Variants in PPARD observed in about 807,000 individuals in gnomAD.
The protein encoded by PPARD is peroxisome proliferator-activated receptor delta.
Under a neutral mutation model 39.5 loss-of-function variants are expected in PPARD, and 6 were observed. The ratio of observed to expected loss-of-function variants is 0.15; its 90% CI spans 0.08 to 0.30. PPARD has a LOEUF of 0.30. Among genes scored for constraint, PPARD ranks in the 10% least tolerant of loss-of-function variants. PPARD has a pLI of 1.00. For synonymous variants in PPARD, 210 were observed against 231.3 expected, an observed-to-expected ratio of 0.91 and a Z score of 0.83; for missense variants, 397 against 596.8, an observed-to-expected ratio of 0.67 and a Z score of 3.49.
At chr6:35,359,654 T>C (rs1761822735) in intron 2 of PPARD, among the ~76,000 whole-genome samples, 1 of 152,168 alleles carries the variant, frequency 6.6e-6, no homozygotes, top group Non-Finnish European at 1.5e-5. Flanking sequence ...TATCCCCACC[T>C]GTGTCTAATC....
chr6:35,405,868 G>T (rs1372719216), intron 2 of PPARD, among the ~76,000 whole-genome samples: 2 of 151,882 alleles, frequency 1.3e-5, no homozygotes, highest in African/African-American at 4.8e-5. Context: ...GACCTCAAGT[G>T]ATCCACCCAC....
intron 2 of PPARD, among the ~76,000 whole-genome samples, chr6:35,408,056 G>A (rs967956121): frequency 2.0e-4 from 30 of 152,118 alleles, no homozygotes; most frequent in African/African-American, 7.2e-4. Flanking sequence ...TTGCAGGGTG[G>A]GTCCAGCAGC....
At chr6:35,380,254 A>G (rs1289520338) in intron 2 of PPARD, among the ~76,000 whole-genome samples, 5 of 152,122 alleles carry the variant, frequency 3.3e-5, no homozygotes, top group African/African-American at 9.7e-5. Context: ...ACTCCTTCCA[A>G]TTCTGTGCCC....
chr6:35,347,408 A>G (rs1760929497), intron 2 of PPARD, among the ~76,000 whole-genome samples: 1 of 152,094 alleles, frequency 6.6e-6, no homozygotes, highest in South Asian at 2.1e-4. Flanking sequence ...TAAACTCCAC[A>G]GGGCAGGGAG....
chr6:35,384,660 G>T (rs1382770769), intron 2 of PPARD, among the ~76,000 whole-genome samples: 1 of 73,422 alleles, frequency 1.4e-5, no homozygotes, highest in Non-Finnish European at 2.5e-5. Context: ...GGAGGGAGGT[G>T]GGGGGGTCAG....
intron 4 of PPARD, 47 bp from the exon 5 acceptor site, chr6:35,421,773 C>T (rs1766187074): frequency 6.4e-7 from 1 of 1,560,308 alleles, no homozygotes; most frequent in African/African-American, 1.4e-5. Context: ...GCACAGCCTC[C>T]CTCCCACCTC....
chr6:35,365,348 GC>G (rs1762156043), intron 2 of PPARD, among the ~76,000 whole-genome samples: 1 of 149,724 alleles, frequency 6.7e-6, no homozygotes, highest in South Asian at 2.1e-4. Context: ...CACCGTGTTA[GC>G]CAGGAAGGTC....
At chr6:35,357,294 C>T (rs1213266089) in intron 2 of PPARD, among the ~76,000 whole-genome samples, 1 of 152,336 alleles carries the variant, frequency 6.6e-6, no homozygotes, top group African/African-American at 2.4e-5. Context: ...CCATCCTGAT[C>T]TAGAGCTTGT....
At chr6:35,393,950 T>C (rs1305434360) in intron 2 of PPARD, among the ~76,000 whole-genome samples, 17 of 152,220 alleles carry the variant, frequency 1.1e-4, no homozygotes, top group Non-Finnish European at 4.4e-5. Context: ...CTGGTGTCAG[T>C]ATGTGCCTGC....
chr6:35,407,515 A>C (rs901145786), intron 2 of PPARD, among the ~76,000 whole-genome samples: 1 of 151,768 alleles, frequency 6.6e-6, no homozygotes, highest in African/African-American at 2.4e-5. Context: ...GAGCATAAAG[A>C]ATCAGTGTTT....
Position 35,425,319 on chromosome 6 carries a change from G to A in PPARD, c.1079-513G>A. 1 of 1,009,602 alleles carries A rather than the reference G, an allele frequency of 9.9e-7. No individual in the cohort carries two copies. Among genetic ancestry groups the A allele is most frequent in the Non-Finnish European group, 1.2e-6 (1 of 844,460 alleles). The allele number at this position is 1,009,602 out of a possible 1,614,324, so 62.5% of individuals were successfully genotyped here. ...ACAGGCAGTATGCTGTCATGTTAAT[G>A]TGGGGTGGAAAAATTGTCTGCATTT... is the stretch of plus-strand genomic sequence containing the variant. On this transcript the variant is annotated intron_variant, in intron 7 of 7. Transcript: ENST00000360694. This position sits in a 1 kb window ranked among gnomAD's most constrained non-coding sequence, Gnocchi z 4.5.
At chr6:35,421,242 C>T (rs1247105079) in intron 4 of PPARD, among the ~76,000 whole-genome samples, 2 of 151,438 alleles carry the variant, frequency 1.3e-5, no homozygotes, top group East Asian at 2.0e-4. Context: ...GGATTACAGG[C>T]GTGAGCCACT....
At position 35,415,778 on chromosome 6, in the gene PPARD, C is replaced by CTGTGTGTGTGTG. The variant is rs369825175; in HGVS notation, c.131-4335_131-4324dup. ...TCAGGGTTCTCCAGAGAAGGAGAAC[C>CTGTGTGTGTGTG]TGTGTGTGTGTGTGTGTGTGTGTGT... On this transcript the variant is annotated intron_variant, in intron 3 of 7. Coordinates refer to ENST00000360694, the MANE Select transcript of PPARD (RefSeq NM_006238.5). 6.5e-4 allele frequency among the ~76,000 whole-genome samples: 93 copies of CTGTGTGTGTGTG among 143,856 alleles called. No homozygotes were observed. The East Asian group carries it at 0.012, about 18-fold the overall frequency. 94.4% of individuals were successfully genotyped at this position (143,856 alleles called of 152,430 possible).
Position 35,421,855 on chromosome 6 carries a change from G to A in PPARD, c.321G>A (p.Glu107=). 6.2e-7 allele frequency: 1 copy of A among 1,614,012 alleles called. No individual in the cohort carries two copies. Among genetic ancestry groups the A allele is most frequent in the Non-Finnish European group, 8.5e-7 (1 of 1,179,934 alleles). The part of the protein sequence containing the change: ...FFRRTIRMKL[E]YEKCERSCKI... ...GTCGTACGATCCGCATGAAGCTGGA[G>A]TACGAGAAGTGTGAGCGCAGCTGCA... Residue 107 remains glutamate (E), a synonymous_variant, in exon 5 of 8, where the codon GAG becomes GAA. Transcript: ENST00000360694.
At chr6:35,371,403 T>A (rs1466366536) in intron 2 of PPARD, among the ~76,000 whole-genome samples, 1 of 152,192 alleles carries the variant, frequency 6.6e-6, no homozygotes, top group Non-Finnish European at 1.5e-5. Flanking sequence ...TGTGACCATC[T>A]GCTCTTATAG....
chr6:35,363,914 ATATAT>A lies in PPARD; in HGVS notation c.-102+16772_-102+16776del, dbSNP rs72397997. 0.048 allele frequency among the ~76,000 whole-genome samples: 7,193 copies of A among 149,982 alleles called. 345 individuals are homozygous for A. The highest frequency in any genetic ancestry group is 0.12 in the African/African-American group (5,040 of 41,056). ...GGTTTTTGTATATTAACTGTGTTTT[ATATAT>A]TATATTAAATTAATATATTTATATA... On this transcript the variant is annotated intron_variant, in intron 2 of 7. Coordinates refer to ENST00000360694, the MANE Select transcript of PPARD (RefSeq NM_006238.5). The surrounding 1 kb of genome is among the most constrained non-coding windows in gnomAD (Gnocchi z 4.5).
rs182789324 is a variant in PPARD, at chr6:35,418,201, C to T, written c.131-1926C>T. Among the ~76,000 whole-genome samples, 121 of 152,376 alleles carry T rather than the reference C, an allele frequency of 7.9e-4. 1 individual carries two copies. The highest frequency in any genetic ancestry group is 7.1e-3 in the East Asian group (37 of 5,194). On this transcript the variant is annotated intron_variant, in intron 3 of 7. Transcript: ENST00000360694. ...ATGCCCCAACACGAGCATATGCTCA[C>T]GGACTGCACAGATTCAAGGAGGAAG... is the stretch of plus-strand genomic sequence containing the variant.
At chr6:35,378,500 A>G (rs73411784) in intron 2 of PPARD, among the ~76,000 whole-genome samples, 7,247 of 152,258 alleles carry the variant, frequency 0.048, 396 homozygotes, top group African/African-American at 0.14. Flanking sequence ...AAGCCACTAA[A>G]TCTTGCAAAT....
intron 3 of PPARD, among the ~76,000 whole-genome samples, chr6:35,418,030 G>A (rs1765888021): frequency 6.6e-6 from 1 of 152,152 alleles, no homozygotes; most frequent in Admixed American, 6.5e-5. Flanking sequence ...CCTCCAGGAG[G>A]TGTGAATAAT....
Sources: gnomAD v4.1 joint callset for allele counts (sites outside exome capture counted in the v4.1 genomes callset) on GRCh38, gnomAD v4.1.1 for gene constraint, Gnocchi (gnomAD v3.1) non-coding constraint, MANE v1.5 for transcripts, NCBI Gene and HGNC (gene_info 2026-07-23, HGNC 2026-07-21) for gene names.